The following AFG2A variants were observed in gnomAD, a reference collection of about 807,000 sequenced individuals.
AFG2A encodes ATPase family gene 2 protein homolog A.
chr4:122,952,247 C>T, the AFG2A span, among the ~76,000 whole-genome samples: 3 of 152,190 alleles, frequency 2.0e-5, no homozygotes, highest in Non-Finnish European at 4.4e-5. Context: ...GCCTTTGCCA[C>T]GGGCCTCACC....
At chr4:123,085,784 C>T in the AFG2A span, among the ~76,000 whole-genome samples, 1 of 151,914 alleles carries the variant, frequency 6.6e-6, no homozygotes, top group Non-Finnish European at 1.5e-5. Flanking sequence ...CCCATTTCTT[C>T]TTCTCTTTCA....
the AFG2A span, among the ~76,000 whole-genome samples, chr4:123,141,984 A>G: frequency 6.6e-6 from 1 of 152,192 alleles, no homozygotes; most frequent in South Asian, 2.1e-4. Context: ...GACTATTTGA[A>G]TTCGTATGGT....
At chr4:123,012,175 G>A in the AFG2A span, among the ~76,000 whole-genome samples, 2 of 143,766 alleles carry the variant, frequency 1.4e-5, no homozygotes, top group Non-Finnish European at 1.5e-5. Flanking sequence ...GGTGGGTAGA[G>A]ACATGGAGAG....
At chr4:122,991,406 C>T in the AFG2A span, among the ~76,000 whole-genome samples, 1 of 152,106 alleles carries the variant, frequency 6.6e-6, no homozygotes, top group African/African-American at 2.4e-5. Flanking sequence ...AGAATGAGCC[C>T]CCTTAGCTGA....
the AFG2A span, among the ~76,000 whole-genome samples, chr4:123,194,186 A>G: frequency 6.6e-6 from 1 of 152,348 alleles, no homozygotes; most frequent in South Asian, 2.1e-4. Flanking sequence ...ATTGGCAGGG[A>G]GAAAGCAAGT....
the AFG2A span, among the ~76,000 whole-genome samples, chr4:123,128,046 T>A: frequency 1.3e-5 from 2 of 152,214 alleles, no homozygotes; most frequent in Non-Finnish European, 2.9e-5. Flanking sequence ...TCTGAAAAAC[T>A]GTCTTTGTGT....
the AFG2A span, among the ~76,000 whole-genome samples, chr4:123,237,437 A>G: frequency 6.6e-6 from 1 of 151,768 alleles, no homozygotes; most frequent in African/African-American, 2.4e-5. Flanking sequence ...CTTTGGGAGG[A>G]GATCATAGTG....
At chr4:123,191,415 CTA>C in the AFG2A span, among the ~76,000 whole-genome samples, 1 of 150,560 alleles carries the variant, frequency 6.6e-6, no homozygotes, top group African/African-American at 2.4e-5. Context: ...AGTGCCTGCT[CTA>C]CCATGCTATA....
At chr4:122,943,010 T>C in the AFG2A span, among the ~76,000 whole-genome samples, 1 of 152,140 alleles carries the variant, frequency 6.6e-6, no homozygotes, top group East Asian at 1.9e-4. Context: ...CAGTTTGTTA[T>C]AATTTCTGTT....
At chr4:123,270,867 G>T in the AFG2A span, among the ~76,000 whole-genome samples, 3 of 152,160 alleles carry the variant, frequency 2.0e-5, no homozygotes, top group African/African-American at 7.2e-5. Context: ...GTACATACAG[G>T]TTAGCATTTC....
chr4:123,125,792 T>C, the AFG2A span, among the ~76,000 whole-genome samples: 1 of 152,186 alleles, frequency 6.6e-6, no homozygotes, highest in East Asian at 1.9e-4. Flanking sequence ...CAGCCTCCGG[T>C]TTTGTTTTAT....
At chr4:123,137,167 C>T in the AFG2A span, among the ~76,000 whole-genome samples, 1 of 152,210 alleles carries the variant, frequency 6.6e-6, no homozygotes. Context: ...TGCTCACCTT[C>T]TGCTGTGCAG....
At chr4:123,274,032 TTTTTC>T in the AFG2A span, among the ~76,000 whole-genome samples, 1 of 152,170 alleles carries the variant, frequency 6.6e-6, no homozygotes, top group African/African-American at 2.4e-5. Flanking sequence ...CTACTGTAGC[TTTTTC>T]TTATTTTCTG....
the AFG2A span, among the ~76,000 whole-genome samples, chr4:122,985,468 A>G: frequency 6.6e-6 from 1 of 151,974 alleles, no homozygotes; most frequent in Non-Finnish European, 1.5e-5. Context: ...ACTGGTTGTT[A>G]TTGGTCTGTT....
At chr4:123,272,445 A>G in the AFG2A span, among the ~76,000 whole-genome samples, 1 of 152,296 alleles carries the variant, frequency 6.6e-6, no homozygotes, top group South Asian at 2.1e-4. Context: ...TAGGTGCTAT[A>G]TGGCTGTACA....
the AFG2A span, among the ~76,000 whole-genome samples, chr4:123,238,689 A>G: frequency 1.3e-5 from 2 of 152,198 alleles, no homozygotes; most frequent in Non-Finnish European, 2.9e-5. Flanking sequence ...GGTCACCAAC[A>G]TCAAAGACCA....
At chr4:123,237,071 A>T in the AFG2A span, among the ~76,000 whole-genome samples, 3 of 152,242 alleles carry the variant, frequency 2.0e-5, no homozygotes, top group African/African-American at 7.2e-5. Context: ...ACTCTAAAGT[A>T]TTTAGAAAGT....
the AFG2A span, among the ~76,000 whole-genome samples, chr4:123,141,228 G>A: frequency 6.6e-6 from 1 of 152,334 alleles, no homozygotes; most frequent in Admixed American, 6.5e-5. Flanking sequence ...GGACTTGCTT[G>A]TTCTGGTAGG....
the AFG2A span, among the ~76,000 whole-genome samples, chr4:123,115,815 T>C: frequency 1.3e-5 from 2 of 152,214 alleles, no homozygotes; most frequent in Admixed American, 1.3e-4. Flanking sequence ...GTTTATATTT[T>C]GCCGTCCTTG....
Sources: allele counts gnomAD v4.1 joint callset (sites outside exome capture counted in the v4.1 genomes callset), GRCh38; gene constraint gnomAD v4.1.1; transcripts MANE v1.5; gene names NCBI Gene and HGNC (gene_info 2026-07-23, HGNC 2026-07-21).